ANKS1A: variants seen among roughly 807,000 people sequenced by gnomAD.
The protein encoded by ANKS1A is ankyrin repeat and SAM domain-containing protein 1A.
In ANKS1A, 55 loss-of-function variants were observed where a neutral mutation model predicts 120.3. The ratio of observed to expected loss-of-function variants is 0.46; its 90% CI spans 0.37 to 0.57. The LOEUF is 0.57. ANKS1A is among the 20% of genes least tolerant of loss of function. ANKS1A has a pLI of 0.00. For synonymous variants in ANKS1A, 590 were observed against 604.7 expected (o/e 0.98, Z 0.36); for missense variants, 1,123 against 1,480.3 (o/e 0.76, Z 3.96).
chr6:34,922,757 G>C (rs537802998), intron 1 of ANKS1A, among the ~76,000 whole-genome samples: 1 of 149,120 alleles, frequency 6.7e-6, no homozygotes, highest in Admixed American at 6.8e-5. Context: ...GCAGTGGCGC[G>C]ATCTCAGCTC....
chr6:35,074,236 C>T (rs1486538793), intron 13 of ANKS1A, among the ~76,000 whole-genome samples: 3 of 152,250 alleles, frequency 2.0e-5, no homozygotes, highest in African/African-American at 4.8e-5. Flanking sequence ...TGGACGTCCA[C>T]GTCCTCTTGG....
At chr6:34,942,555 A>G (rs967856916) in intron 1 of ANKS1A, among the ~76,000 whole-genome samples, 31 of 152,290 alleles carry the variant, frequency 2.0e-4, no homozygotes, top group Admixed American at 1.4e-3. Flanking sequence ...GAATGCACCC[A>G]CTTCTCTCAG....
chr6:34,907,146 T>C (rs1233291871), intron 1 of ANKS1A, among the ~76,000 whole-genome samples: 2 of 151,964 alleles, frequency 1.3e-5, no homozygotes, highest in African/African-American at 4.8e-5. Flanking sequence ...TTGTCAAGGC[T>C]GAGAAAGACA....
Position 34,994,342 on chromosome 6 carries a change from G to A in ANKS1A, c.1343G>A (p.Arg448Gln), listed in dbSNP as rs752678900. 25 of 1,613,446 alleles carry A rather than the reference G, an allele frequency of 1.5e-5. 1 individual carries two copies. Among genetic ancestry groups the A allele is most frequent in the Middle Eastern group, 1.6e-4 (1 of 6,076 alleles). Reference protein sequence around the residue: ...MRPRIHGSAAREEDEHPYELL... With the variant: ...MRPRIHGSAAQEEDEHPYELL... ...CCTAGGATTCATGGGAGTGCAGCCCGGGAAGAAGACGAACACCCTTATGAA... is the reference window on the plus strand; with the variant it reads ...CCTAGGATTCATGGGAGTGCAGCCCAGGAAGAAGACGAACACCCTTATGAA... The change falls in exon 10 of 24, where the codon CGG becomes CAG. Residue 448 changes from arginine (R) to glutamine (Q), a missense_variant. By Grantham distance (43) the Arg-to-Gln change is conservative. Around this residue, in one of 3 missense-constraint regions of ANKS1A, gnomAD observed 904 missense variants for 1,130.4 expected, o/e 0.80. Coordinates refer to ENST00000360359, the MANE Select transcript of ANKS1A (RefSeq NM_015245.3).
intron 1 of ANKS1A, among the ~76,000 whole-genome samples, chr6:34,907,358 C>G (rs967401125): frequency 3.3e-5 from 5 of 152,104 alleles, no homozygotes; most frequent in Non-Finnish European, 7.4e-5. Flanking sequence ...ACAGTCATCC[C>G]TGGGTACATG....
In ANKS1A at chr6:34,996,750, C is replaced by T. The variant is rs780003509; in HGVS notation, c.1423+2328C>T. 5.3e-5 allele frequency among the ~76,000 whole-genome samples: 8 copies of T among 152,136 alleles called. No homozygotes were observed. In the East Asian group the frequency reaches 9.6e-4, roughly 18 times the overall value. On this transcript the variant is annotated intron_variant, in intron 10 of 23. Transcript: ENST00000360359. ...CCTCCCAAAGTGCTGGGATAACAGGCGTGAGCCACCATGCCTGGCCACCAA... is the reference window on the plus strand; with the variant it reads ...CCTCCCAAAGTGCTGGGATAACAGGTGTGAGCCACCATGCCTGGCCACCAA...
At position 35,060,199 on chromosome 6, in the gene ANKS1A, G is replaced by A. The variant is rs772505552; in HGVS notation, c.2130G>A (p.Leu710=). 1.2e-6 allele frequency: 2 copies of A among 1,612,908 alleles called. No individual in the cohort carries two copies. The highest frequency in any genetic ancestry group is 1.7e-5 in the Admixed American group (1 of 59,888). The change falls in exon 13 of 24, where the codon CTG becomes CTA. Residue 710 remains leucine, a synonymous_variant. Coordinates refer to ENST00000360359, the MANE Select transcript of ANKS1A (RefSeq NM_015245.3). This position sits in a 1 kb window ranked among gnomAD's most constrained non-coding sequence, Gnocchi z 4.5. Reference sequence around the variant, plus strand: ...GGGAGTGGCTGGAGTCGATTGGGCTGCAGCAGTATGAGAGCAAGTTGCTTC... The same window carrying A: ...GGGAGTGGCTGGAGTCGATTGGGCTACAGCAGTATGAGAGCAAGTTGCTTC... ...SVGEWLESIG[L]QQYESKLLLN...
downstream of ANKS1A, among the ~76,000 whole-genome samples, chr6:35,094,110 CAGT>C (rs1465331026): frequency 6.6e-6 from 1 of 152,140 alleles, no homozygotes; most frequent in Non-Finnish European, 1.5e-5. Flanking sequence ...CCCAACCTGG[CAGT>C]AGTATGCTAT....
chr6:35,064,732 C>T (rs374926061), intron 13 of ANKS1A, among the ~76,000 whole-genome samples: 1 of 152,204 alleles, frequency 6.6e-6, no homozygotes, highest in African/African-American at 2.4e-5. Context: ...CCAGCCTAAG[C>T]GAGCTGCCAC....
rs1261468145 is a variant in ANKS1A, at chr6:35,057,650, C to T, written c.2078-2497C>T. Reference sequence around the variant, plus strand: ...TGCCCTTGGCCATCGCTGTCCTCCCCCAGAGTGTGAGTGGCCTGCTCTGGG... The same window carrying T: ...TGCCCTTGGCCATCGCTGTCCTCCCTCAGAGTGTGAGTGGCCTGCTCTGGG... On this transcript the variant is annotated intron_variant, in intron 12 of 23. Coordinates refer to ENST00000360359, the MANE Select transcript of ANKS1A (RefSeq NM_015245.3). The surrounding 1 kb of genome is among the most constrained non-coding windows in gnomAD (Gnocchi z 4.1). 1.3e-5 allele frequency among the ~76,000 whole-genome samples: 2 copies of T among 152,200 alleles called. No individual in the cohort carries two copies. Among genetic ancestry groups the T allele is most frequent in the Admixed American group, 6.5e-5 (1 of 15,274 alleles).
At chr6:35,059,622 G>A (rs1232376425) in intron 12 of ANKS1A, among the ~76,000 whole-genome samples, 1 of 152,160 alleles carries the variant, frequency 6.6e-6, no homozygotes, top group African/African-American at 2.4e-5. Context: ...GCTCTCTCCT[G>A]ACTGGTTTAT....
intron 1 of ANKS1A, among the ~76,000 whole-genome samples, chr6:34,907,109 C>G (rs1038782006): frequency 6.6e-6 from 1 of 152,050 alleles, no homozygotes; most frequent in Non-Finnish European, 1.5e-5. Context: ...GAACATTCTA[C>G]AAAATACTGA....
Position 34,986,490 on chromosome 6 carries a change from A to AT in ANKS1A, c.1209+1216dup, listed in dbSNP as rs1772209651. On this transcript the variant is annotated intron_variant, in intron 8 of 23. Transcript: ENST00000360359. ...TAGTGCTAACCCCATCTGGAGACAA[A>AT]TTTTCAGGCCTGTGTTATTTCTTCC... Among the ~76,000 whole-genome samples the AT allele has an allele frequency of 4.6e-5, 7 of 152,124 alleles. No individual in the cohort carries two copies. In the South Asian group the frequency reaches 1.5e-3, roughly 32 times the overall value.
At chr6:34,932,631 C>G (rs907973708) in intron 1 of ANKS1A, among the ~76,000 whole-genome samples, 2 of 152,210 alleles carry the variant, frequency 1.3e-5, no homozygotes, top group Middle Eastern at 3.2e-3. Flanking sequence ...GTGATCTATC[C>G]GTCTCAACCT....
intron 1 of ANKS1A, among the ~76,000 whole-genome samples, chr6:34,906,179 G>A (rs184309346): frequency 2.0e-5 from 3 of 152,206 alleles, no homozygotes; most frequent in East Asian, 1.9e-4. Context: ...TGTTTTTAGC[G>A]TTTCCTGGCA....
intron 8 of ANKS1A, among the ~76,000 whole-genome samples, chr6:34,986,508 T>TTTC (rs373347493): frequency 7.4e-4 from 112 of 152,330 alleles, no homozygotes; most frequent in African/African-American, 2.5e-3. Flanking sequence ...GCCTGTGTTA[T>TTTC]TTCTTCCTGT....
chr6:34,994,521 T>G, intron 10 of ANKS1A, 99 bp downstream of exon 10: 1 of 1,510,332 alleles, frequency 6.6e-7, no homozygotes, highest in Non-Finnish European at 9.0e-7. Context: ...ATGATATTCC[T>G]TGGGTTGTGG....
chr6:35,028,218 T>C (rs1345981184), intron 11 of ANKS1A, among the ~76,000 whole-genome samples: 1 of 152,248 alleles, frequency 6.6e-6, no homozygotes, highest in East Asian at 1.9e-4. Flanking sequence ...ATATCCATTA[T>C]GCAGTGGGCA....
the ANKS1A span, among the ~76,000 whole-genome samples, chr6:35,097,481 C>T: frequency 6.6e-6 from 1 of 151,366 alleles, no homozygotes; most frequent in South Asian, 2.1e-4. Context: ...TGCACTCCAG[C>T]CTGGGTGACA....
Sources: gnomAD v4.1 joint callset for allele counts (sites outside exome capture counted in the v4.1 genomes callset) on GRCh38, gnomAD v4.1.1 for gene constraint, gnomAD v4.1.1 regional missense constraint, Gnocchi (gnomAD v3.1) non-coding constraint, MANE v1.5 for transcripts, NCBI Gene and HGNC (gene_info 2026-07-23, HGNC 2026-07-21) for gene names.